HOXA3: variants seen among roughly 807,000 people sequenced by gnomAD.
HOXA3 encodes homeobox protein Hox-A3.
A neutral mutation model predicts 30.3 loss-of-function variants in HOXA3; 8 were observed. The observed-to-expected ratio is 0.26, with a 90% CI of 0.15 to 0.48. The LOEUF (loss-of-function observed/expected upper bound fraction) is 0.48, where lower values mean the gene tolerates loss of function less well. Ranked by LOEUF, HOXA3 falls within the 20% of genes least tolerant of loss-of-function variation. The pLI is 0.99. For synonymous variants in HOXA3, 323 were observed against 273.1 expected, an observed-to-expected ratio of 1.18 and a Z score of -1.80; for missense variants, 653 against 614.4, an observed-to-expected ratio of 1.06 and a Z score of -0.66.
chr7:27,139,681 C>G (rs757766563), intron 2 of HOXA3, among the ~76,000 whole-genome samples: 5 of 152,144 alleles, frequency 3.3e-5, no homozygotes, highest in Non-Finnish European at 4.4e-5. Context: ...CAGCCCCGAC[C>G]CCAGGGCTCC....
intron 2 of HOXA3, among the ~76,000 whole-genome samples, chr7:27,132,314 C>G (rs1436901621): frequency 7.2e-5 from 11 of 152,186 alleles, no homozygotes; most frequent in Non-Finnish European, 1.6e-4. Flanking sequence ...ATTTCCTAAG[C>G]CTGGAGACAC....
At chr7:27,136,138 G>A (rs753040788) in intron 2 of HOXA3, among the ~76,000 whole-genome samples, 3 of 152,172 alleles carry the variant, frequency 2.0e-5, no homozygotes, top group Non-Finnish European at 2.9e-5. Context: ...GTAAACTTTT[G>A]ACCCTCAACT....
chr7:27,107,988 G>C lies in HOXA3; in HGVS notation c.1259C>G (p.Thr420Ser), dbSNP rs777199380. Reference protein sequence around the residue: ...HGPGPGEPHPTYTDLTGHHPS... With the variant: ...HGPGPGEPHPSYTDLTGHHPS... ...ATGGTGGCCGGTAAGGTCCGTGTAG[G>C]TGGGGTGCGGCTCCCCAGGCCCCGG... Residue 420 changes from threonine (T) to serine (S), a missense_variant, in exon 6 of 6, where the codon ACC (threonine) becomes AGC (serine). By Grantham distance (58) the Thr-to-Ser change is moderately conservative. Transcript: ENST00000612286. The C allele has an allele frequency of 1.9e-6, 3 of 1,611,460 alleles. No individual in the cohort carries two copies. Among genetic ancestry groups the C allele is most frequent in the Admixed American group, 3.3e-5 (2 of 59,808 alleles).
At chr7:27,147,247 T>C in intron 1 of HOXA3, 1 of 1,431,314 alleles carries the variant, frequency 7.0e-7, no homozygotes, top group East Asian at 2.3e-5. Flanking sequence ...GTTTCCTCCT[T>C]CTTTCTTTCT....
Position 27,108,479 on chromosome 7 carries a change from T to C in HOXA3, c.768A>G (p.Leu256=), listed in dbSNP as rs765285255. ...YKKDQKGKGM[L]TSSGGQSPSR... is the part of the protein sequence containing the mutation. The stretch of plus-strand genomic sequence containing the variant: ...TTGGAGACTGGCCCCCCGATGACGT[T>C]AGCATGCCCTTGCCCTTCTGATCCT... The change falls in exon 6 of 6, where the codon CTA becomes CTG. Residue 256 remains leucine (L), a synonymous_variant. Coordinates refer to ENST00000612286, the MANE Select transcript of HOXA3 (RefSeq NM_153631.3). The surrounding 1 kb of genome is among the most constrained non-coding windows in gnomAD (Gnocchi z 5.0). The C allele has an allele frequency of 1.2e-6, 2 of 1,614,070 alleles. No homozygotes were observed.
At chr7:27,129,476 G>A (rs1461081214) in intron 2 of HOXA3, 4 of 1,614,174 alleles carry the variant, frequency 2.5e-6, no homozygotes, top group Non-Finnish European at 3.4e-6. Flanking sequence ...GTCAGGTATC[G>A]ATTGAAGTGG....
rs747399656 is a variant in HOXA3, at chr7:27,129,229, ATGGAGGAGGGAACGGGTG to A, written c.-389-2177_-389-2160del. 4 of 1,432,636 alleles carry A rather than the reference ATGGAGGAGGGAACGGGTG, an allele frequency of 2.8e-6. No homozygotes were observed. In the East Asian group the frequency reaches 1.0e-4, roughly 36 times the overall value. 88.7% of individuals were successfully genotyped at this position (1,432,636 alleles called of 1,614,324 possible). On this transcript the variant is annotated intron_variant, in intron 2 of 5. Coordinates refer to ENST00000612286, the MANE Select transcript of HOXA3 (RefSeq NM_153631.3). Reference sequence around the variant, plus strand: ...CTGGTTAAGATCTCTAGAAGATTATATGGAGGAGGGAACGGGTGTGGAGGTGCTCGGGTGGGGGTGGGG... The same window carrying A: ...CTGGTTAAGATCTCTAGAAGATTATATGGAGGTGCTCGGGTGGGGGTGGGG...
At chr7:27,136,438 A>G (rs1200907192) in intron 2 of HOXA3, among the ~76,000 whole-genome samples, 1 of 152,234 alleles carries the variant, frequency 6.6e-6, no homozygotes, top group Non-Finnish European at 1.5e-5. Flanking sequence ...AAAGTGAAAG[A>G]AAAGAGAAGA....
chr7:27,108,231 G>A lies in HOXA3; in HGVS notation c.1016C>T (p.Thr339Ile), dbSNP rs749547060. 3.3e-6 allele frequency: 5 copies of A among 1,522,146 alleles called. No individual in the cohort carries two copies. The South Asian group carries it at 3.9e-5, about 12-fold the overall frequency. The allele number at this position is 1,522,146 out of a possible 1,614,324, so 94.3% of individuals were successfully genotyped here. Residue 339 changes from threonine to isoleucine, a missense_variant, in exon 6 of 6, where the codon ACC becomes ATC. By Grantham distance (89) the Thr-to-Ile change is moderately conservative. Coordinates refer to ENST00000612286, the MANE Select transcript of HOXA3 (RefSeq NM_153631.3). This position sits in a 1 kb window ranked among gnomAD's most constrained non-coding sequence, Gnocchi z 5.0. ...YTAAGAGAGGTPDYDPHAHGL... is the reference protein window; with the variant it reads ...YTAAGAGAGGIPDYDPHAHGL... Reference sequence around the variant, plus strand: ...ATGAGCGTGCGGGTCATAGTCGGGGGTGCCCCCTGCGCCCGCCCCTGCCGC... The same window carrying A: ...ATGAGCGTGCGGGTCATAGTCGGGGATGCCCCCTGCGCCCGCCCCTGCCGC...
chr7:27,151,397 G>T (rs972725204), intron 1 of HOXA3: 8 of 339,822 alleles, frequency 2.4e-5, no homozygotes, highest in Non-Finnish European at 4.1e-5. Flanking sequence ...GAGTGCGGTC[G>T]CCAGTCCGTT....
At chr7:27,136,549 T>A (rs1457069374) in intron 2 of HOXA3, among the ~76,000 whole-genome samples, 17 of 152,094 alleles carry the variant, frequency 1.1e-4, no homozygotes, top group Admixed American at 1.1e-3. Context: ...AGCGGGTGAA[T>A]TGACTGTGAA....
At chr7:27,151,877 C>T (rs1782983424) in intron 1 of HOXA3, among the ~76,000 whole-genome samples, 1 of 152,136 alleles carries the variant, frequency 6.6e-6, no homozygotes, top group Admixed American at 6.5e-5. Context: ...TGAATGAAAA[C>T]ACAAAAATCC....
chr7:27,143,319 G>A, intron 1 of HOXA3: 1 of 1,599,142 alleles, frequency 6.3e-7, no homozygotes, highest in Admixed American at 1.7e-5. Context: ...GGATCGGGCT[G>A]AGGAGAGTGC....
Position 27,152,458 on chromosome 7 carries a change from C to A in HOXA3, c.-664G>T. 5 of 1,153,890 alleles carry A rather than the reference C, an allele frequency of 4.3e-6. No individual in the cohort carries two copies. Among genetic ancestry groups the A allele is most frequent in the Non-Finnish European group, 5.4e-6 (5 of 922,712 alleles). 71.5% of individuals were successfully genotyped at this position (1,153,890 alleles called of 1,614,324 possible). On this transcript the variant is annotated 5_prime_UTR_variant, in exon 1 of 6. Transcript: ENST00000612286. ...GGAACGGAGCGCGCCCAATCTCCAG[C>A]GGGAGCCGCCAGGCCTGGCCTGGCC...
At chr7:27,130,990 C>T (rs751333889) in intron 2 of HOXA3, among the ~76,000 whole-genome samples, 143 of 152,220 alleles carry the variant, frequency 9.4e-4, no homozygotes, top group Admixed American at 2.4e-3. Context: ...ACCGCGCGCG[C>T]GGACCCGGAT....
rs909242640 is a variant in HOXA3 at position 27,152,219 on chromosome 7, C to G, written c.-494+69G>C. The G allele has an allele frequency of 5.6e-6, 6 of 1,073,110 alleles. No individual in the cohort carries two copies. The African/African-American group carries it at 8.3e-5, about 15-fold the overall frequency. 66.5% of individuals were successfully genotyped at this position (1,073,110 alleles called of 1,614,324 possible). On this transcript the variant is annotated intron_variant, in intron 1 of 5. Coordinates refer to ENST00000612286, the MANE Select transcript of HOXA3 (RefSeq NM_153631.3). ...CTCTTAAAGCCTCCCTGGGTGCCCT[C>G]TCCCACCGCTACCGCCGCCGGCTGT...
chr7:27,136,114 G>C (rs1279619969), intron 2 of HOXA3, among the ~76,000 whole-genome samples: 2 of 152,166 alleles, frequency 1.3e-5, no homozygotes, highest in Non-Finnish European at 2.9e-5. Context: ...AGATGACTAA[G>C]AGCACTGCAC....
chr7:27,109,953 T>G, intron 5 of HOXA3, 162 bp downstream of exon 5: 3 of 812,256 alleles, frequency 3.7e-6, no homozygotes, highest in Non-Finnish European at 5.8e-6. Flanking sequence ...ATCACCTCCC[T>G]AAGTTGCAAA....
chr7:27,109,925 T>C (rs1784264862), intron 5 of HOXA3, 190 bp downstream of exon 5: 2 of 656,106 alleles, frequency 3.0e-6, no homozygotes, highest in South Asian at 3.9e-5. Flanking sequence ...TCTGGTGTTT[T>C]CCAGCCTACA....
Sources: gnomAD v4.1 joint callset for allele counts (sites outside exome capture counted in the v4.1 genomes callset) on GRCh38, gnomAD v4.1.1 for gene constraint, Gnocchi (gnomAD v3.1) non-coding constraint, MANE v1.5 for transcripts, NCBI Gene and HGNC (gene_info 2026-07-23, HGNC 2026-07-21) for gene names.